SEMA6D: variants seen among roughly 807,000 people sequenced by gnomAD.
SEMA6D encodes semaphorin-6D.
Under a neutral mutation model 106.6 loss-of-function variants are expected in SEMA6D, and 35 were observed. The observed-to-expected ratio is 0.33, with a 90% confidence interval of 0.25 to 0.44. The LOEUF is 0.44. SEMA6D is among the 20% of genes least tolerant of loss of function. The pLI, the probability that SEMA6D is intolerant of heterozygous loss-of-function variation, is 1.00. For missense variants in SEMA6D, 1,185 were observed against 1,345.9 expected, an observed-to-expected ratio of 0.88 and a Z score of 1.87; for synonymous variants, 499 against 487.7, an observed-to-expected ratio of 1.02 and a Z score of -0.31.
chr15:47,718,086 C>G (rs2079197378), intron 1 of SEMA6D, among the ~76,000 whole-genome samples: 1 of 152,178 alleles, frequency 6.6e-6, no homozygotes, highest in African/African-American at 2.4e-5. Flanking sequence ...AAGTTTCTTG[C>G]CAGGCAGAGC....
intron 3 of SEMA6D, among the ~76,000 whole-genome samples, chr15:47,475,171 A>G (rs2042968136): frequency 6.6e-6 from 1 of 152,214 alleles, no homozygotes; most frequent in South Asian, 2.1e-4. Context: ...TGCTGAAAAA[A>G]GAAAGCGCTC....
At chr15:47,358,575 C>G (rs894708737) in intron 1 of SEMA6D, among the ~76,000 whole-genome samples, 2 of 152,128 alleles carry the variant, frequency 1.3e-5, no homozygotes, top group African/African-American at 2.4e-5. Context: ...CAAAATCATC[C>G]TTAGTCGTGG....
rs5812392 is a variant in SEMA6D, at chr15:47,410,152, A to ATT, written c.-238-2231_-238-2230dup. 6.3e-3 allele frequency among the ~76,000 whole-genome samples: 934 copies of ATT among 148,006 alleles called. 13 individuals are homozygous for ATT. The highest frequency in any genetic ancestry group is 0.018 in the African/African-American group (741 of 40,294). On this transcript the variant is annotated intron_variant, in intron 1 of 19. Transcript: ENST00000558014. ...ACCACGCCCAGCTAATTGTTTTTGT[A>ATT]TTTTTTTTTTTGGTAAAGAAGGGGT...
At chr15:47,640,831 G>A (rs1241373161) in intron 4 of SEMA6D, among the ~76,000 whole-genome samples, 1 of 151,962 alleles carries the variant, frequency 6.6e-6, no homozygotes, top group African/African-American at 2.4e-5. Context: ...CCACAGGCCA[G>A]TCTGGAAGGA....
intron 1 of SEMA6D, among the ~76,000 whole-genome samples, chr15:47,354,799 G>GTC (rs1030727993): frequency 2.6e-5 from 4 of 151,890 alleles, no homozygotes; most frequent in African/African-American, 9.7e-5. Flanking sequence ...AATCCACACT[G>GTC]TCTCTCCATT....
At chr15:47,618,536 A>T (rs940861756) in intron 4 of SEMA6D, among the ~76,000 whole-genome samples, 9 of 152,196 alleles carry the variant, frequency 5.9e-5, no homozygotes, top group African/African-American at 2.2e-4. Flanking sequence ...TGATCTCGTC[A>T]CTGAATTAAT....
chr15:47,214,291 A>C (rs1450950908), intron 1 of SEMA6D, among the ~76,000 whole-genome samples: 2 of 152,158 alleles, frequency 1.3e-5, no homozygotes, highest in Non-Finnish European at 2.9e-5. Context: ...TCTTGTTGAC[A>C]GAGAGAAGGG....
chr15:47,569,361 A>G (rs749119836), intron 3 of SEMA6D, among the ~76,000 whole-genome samples: 1 of 152,134 alleles, frequency 6.6e-6, no homozygotes, highest in East Asian at 1.9e-4. Flanking sequence ...TAGGGGTCTT[A>G]TAAAGCAAAA....
At chr15:47,192,588 A>G (rs1894039927) in intron 1 of SEMA6D, among the ~76,000 whole-genome samples, 1 of 152,176 alleles carries the variant, frequency 6.6e-6, no homozygotes, top group African/African-American at 2.4e-5. Flanking sequence ...CATTTTTTTC[A>G]AAGAATAACT....
At chr15:47,275,444 G>T (rs1257036065) in intron 1 of SEMA6D, among the ~76,000 whole-genome samples, 2 of 152,026 alleles carry the variant, frequency 1.3e-5, no homozygotes, top group African/African-American at 4.8e-5. Context: ...TTTCCAACAT[G>T]TGCTCACTTC....
At chr15:47,290,325 A>G (rs2142805104) in intron 1 of SEMA6D, among the ~76,000 whole-genome samples, 1 of 152,322 alleles carries the variant, frequency 6.6e-6, no homozygotes, top group South Asian at 2.1e-4. Context: ...TGTTTCATTT[A>G]GCATCCAGTC....
At chr15:47,703,481 G>A (rs1342531425) in intron 4 of SEMA6D, among the ~76,000 whole-genome samples, 1 of 151,934 alleles carries the variant, frequency 6.6e-6, no homozygotes, top group African/African-American at 2.4e-5. Flanking sequence ...TGTGCAATAT[G>A]CAAACTTTCA....
intron 1 of SEMA6D, among the ~76,000 whole-genome samples, chr15:47,746,237 A>G (rs2081124748): frequency 6.6e-6 from 1 of 152,336 alleles, no homozygotes; most frequent in Non-Finnish European, 1.5e-5. Context: ...AAAGCATGAC[A>G]TCACCTGAGA....
chr15:47,773,196 C>CA lies in SEMA6D; in HGVS notation c.*1417dup, dbSNP rs1303577519. 2 of 152,564 alleles carry CA rather than the reference C, an allele frequency of 1.3e-5. No individual in the cohort carries two copies. The highest frequency in any genetic ancestry group is 6.6e-5 in the Admixed American group (1 of 15,266). 9.5% of individuals were successfully genotyped at this position (152,564 alleles called of 1,614,324 possible). A position where few individuals can be genotyped will look rare whatever the true frequency, so the allele number is the denominator to read the frequency against. ...AACCAGCACCTAAAAAGACTCTTTT[C>CA]AAAAAATCACAGAAACAACCTAGGA... is the stretch of plus-strand genomic sequence containing the variant. On this transcript the variant is annotated 3_prime_UTR_variant, in exon 19 of 19. Transcript: ENST00000536845.
At chr15:47,241,792 G>C (rs763199034) in intron 1 of SEMA6D, among the ~76,000 whole-genome samples, 8 of 152,034 alleles carry the variant, frequency 5.3e-5, no homozygotes, top group Admixed American at 1.3e-4. Flanking sequence ...AGTTCTGCCT[G>C]ATTACACATT....
chr15:47,729,025 G>T (rs1370367904), intron 1 of SEMA6D, among the ~76,000 whole-genome samples: 2 of 152,182 alleles, frequency 1.3e-5, no homozygotes, highest in Non-Finnish European at 2.9e-5. Context: ...ACATCTTTGA[G>T]GGGTGTGGAC....
At chr15:47,398,978 A>T (rs1476402028) in intron 1 of SEMA6D, among the ~76,000 whole-genome samples, 1 of 152,200 alleles carries the variant, frequency 6.6e-6, no homozygotes, top group Admixed American at 6.5e-5. Context: ...GTCAGAATAC[A>T]TTACTGAAAT....
intron 1 of SEMA6D, among the ~76,000 whole-genome samples, chr15:47,303,091 A>C (rs1157360266): frequency 6.6e-6 from 1 of 152,218 alleles, no homozygotes; most frequent in Non-Finnish European, 1.5e-5. Context: ...CTCCAGATAC[A>C]TGTGAGAAAT....
chr15:47,351,823 T>C (rs937587532), intron 1 of SEMA6D, among the ~76,000 whole-genome samples: 1 of 152,228 alleles, frequency 6.6e-6, no homozygotes, highest in Non-Finnish European at 1.5e-5. Flanking sequence ...ATTTAGAACC[T>C]TTCATATATT....
Sources: gnomAD v4.1 joint callset for allele counts (sites outside exome capture counted in the v4.1 genomes callset) on GRCh38, gnomAD v4.1.1 for gene constraint, MANE v1.5 for transcripts, NCBI Gene and HGNC (gene_info 2026-07-23, HGNC 2026-07-21) for gene names.